Variants in PDCD6IP observed in about 807,000 individuals in gnomAD.
The protein encoded by PDCD6IP is programmed cell death 6 interacting protein.
Under a neutral mutation model 103.7 loss-of-function variants are expected in PDCD6IP, and 43 were observed. The observed-to-expected ratio is 0.41, with a 90% confidence interval of 0.32 to 0.53. The LOEUF is 0.53. Among genes scored for constraint, PDCD6IP ranks in the 20% least tolerant of loss-of-function variants. The pLI is 0.16. For synonymous variants in PDCD6IP, 354 were observed against 378.7 expected (o/e 0.93, Z 0.76); for missense variants, 871 against 1,036.7 (o/e 0.84, Z 2.20).
intron 15 of PDCD6IP, among the ~76,000 whole-genome samples, chr3:33,857,662 A>G (rs9839827): frequency 0.29 from 44,516 of 152,004 alleles, 6,760 homozygotes; most frequent in East Asian, 0.41. Context: ...AGTATTCAGT[A>G]TTTTCACATC....
intron 15 of PDCD6IP, among the ~76,000 whole-genome samples, chr3:33,858,637 C>T (rs1164893157): frequency 3.9e-5 from 6 of 152,048 alleles, no homozygotes; most frequent in African/African-American, 1.4e-4. Context: ...GGTGAAACCC[C>T]GTCTCTACTA....
At chr3:33,799,119 T>A (rs1559766875) in intron 1 of PDCD6IP, 182 bp downstream of exon 1, 1 of 628,524 alleles carries the variant, frequency 1.6e-6, no homozygotes, top group Non-Finnish European at 2.7e-6. Flanking sequence ...GCAGGCCCGC[T>A]GTGACTGCCC....
At chr3:33,810,870 A>G (rs1293314753) in intron 1 of PDCD6IP, among the ~76,000 whole-genome samples, 1 of 151,398 alleles carries the variant, frequency 6.6e-6, no homozygotes, top group African/African-American at 2.4e-5. Context: ...GAGTTATTCT[A>G]ACCTTCTGCC....
intron 3 of PDCD6IP, among the ~76,000 whole-genome samples, chr3:33,821,174 C>CA (rs1252699653): frequency 5.7e-5 from 8 of 139,840 alleles, no homozygotes; most frequent in African/African-American, 2.1e-4. Context: ...TGTTTAAAAA[C>CA]AATTTTTTTT....
intron 1 of PDCD6IP, among the ~76,000 whole-genome samples, chr3:33,805,864 C>G (rs1696585240): frequency 6.6e-6 from 1 of 152,074 alleles, no homozygotes; most frequent in Non-Finnish European, 1.5e-5. Context: ...CCTGCCTCAG[C>G]CTACCATGTA....
intron 15 of PDCD6IP, among the ~76,000 whole-genome samples, chr3:33,858,536 C>G (rs984640695): frequency 1.3e-5 from 2 of 152,056 alleles, no homozygotes; most frequent in Non-Finnish European, 2.9e-5. Context: ...TGCGGCCAGG[C>G]GCGGTGGCTC....
intron 11 of PDCD6IP, among the ~76,000 whole-genome samples, chr3:33,844,858 C>T (rs1366729919): frequency 1.3e-5 from 2 of 151,524 alleles, no homozygotes; most frequent in African/African-American, 4.8e-5. Flanking sequence ...AGTAGTGAAT[C>T]CTGGGTGGTA....
chr3:33,863,224 TAATC>T (rs937293846), intron 15 of PDCD6IP, among the ~76,000 whole-genome samples: 37 of 152,324 alleles, frequency 2.4e-4, no homozygotes, highest in African/African-American at 8.7e-4. Flanking sequence ...CAATGCATAA[TAATC>T]AAATCAAGGC....
intron 9 of PDCD6IP, 147 bp from the exon 10 acceptor site, chr3:33,841,750 T>G: frequency 1.8e-6 from 1 of 567,350 alleles, no homozygotes; most frequent in Non-Finnish European, 3.1e-6. Flanking sequence ...TGCTTTGCTT[T>G]TAATTGATAG....
rs993833801 is a variant in PDCD6IP, at chr3:33,865,240, T to C, written c.2245-3T>C. On this transcript the variant is annotated splice_polypyrimidine_tract_variant and splice_region_variant and intron_variant, in intron 16 of 17. Transcript: ENST00000307296. ...TATAGTCAATGCTGACTTTTTCTTA[T>C]AGCCTACTAAGCCCCAGCCCCCAGC... is the stretch of plus-strand genomic sequence containing the variant. 1.3e-6 allele frequency: 2 copies of C among 1,518,086 alleles called. No individual in the cohort carries two copies. The highest frequency in any genetic ancestry group is 2.9e-5 in the African/African-American group (2 of 68,734). 94.0% of individuals were successfully genotyped at this position (1,518,086 alleles called of 1,614,324 possible).
At chr3:33,813,443 T>C (rs572457894) in intron 2 of PDCD6IP, 116 bp from the exon 3 acceptor site, 12 of 663,840 alleles carry the variant, frequency 1.8e-5, no homozygotes, top group South Asian at 1.6e-4. Flanking sequence ...TTATAGGAGA[T>C]AATATTTTGA....
At chr3:33,807,832 C>T (rs1696631390) in intron 1 of PDCD6IP, among the ~76,000 whole-genome samples, 1 of 152,202 alleles carries the variant, frequency 6.6e-6, no homozygotes, top group Non-Finnish European at 1.5e-5. Flanking sequence ...CTTGATTTAG[C>T]CTTTTTCCCA....
intron 15 of PDCD6IP, among the ~76,000 whole-genome samples, chr3:33,858,458 T>G (rs7650931): frequency 0.11 from 16,589 of 152,230 alleles, 982 homozygotes; most frequent in African/African-American, 0.14. Flanking sequence ...AAATAGCCAC[T>G]GTACTCCAGT....
In PDCD6IP at chr3:33,798,894, C is replaced by T. The variant is rs948874400; in HGVS notation, c.166C>T (p.Arg56Cys). ...CAAGCTGCGCCGCGCCGCAGTCGGTCGTCCGCTGGACAAGCACGAGGGCGC... is the reference window on the plus strand; with the variant it reads ...CAAGCTGCGCCGCGCCGCAGTCGGTTGTCCGCTGGACAAGCACGAGGGCGC... ...LSKLRRAAVGRPLDKHEGALE... is the reference protein window; with the variant it reads ...LSKLRRAAVGCPLDKHEGALE... The change falls in exon 1 of 18, where the codon CGT (arginine) becomes TGT (cysteine). Residue 56 changes from arginine to cysteine, a missense_variant. Physicochemically the swap from Arg to Cys is radical, Grantham distance 180. Around this residue, in one of 5 missense-constraint regions of PDCD6IP, gnomAD observed 114 missense variants for 106.7 expected, o/e 1.07. Transcript: ENST00000307296. 1.0e-5 allele frequency: 16 copies of T among 1,547,196 alleles called. No homozygotes were observed. In the African/African-American group the frequency reaches 2.1e-4, roughly 20 times the overall value.
At chr3:33,848,832 G>T (rs920936396) in intron 12 of PDCD6IP, among the ~76,000 whole-genome samples, 3 of 152,096 alleles carry the variant, frequency 2.0e-5, no homozygotes, top group Non-Finnish European at 2.9e-5. Context: ...CTCTTTGTAT[G>T]TTCTGTGAGC....
intron 1 of PDCD6IP, among the ~76,000 whole-genome samples, chr3:33,801,826 T>C (rs1696482506): frequency 6.6e-6 from 1 of 152,206 alleles, no homozygotes; most frequent in African/African-American, 2.4e-5. Context: ...GTAATTTCTT[T>C]TGTGGTGATC....
rs1697096019 is a variant in PDCD6IP at position 33,825,339 on chromosome 3, A to C, written c.615A>C (p.Arg205Ser). ...AAGTATTTTTTTTAAAAGCCACAAG[A>C]GGTAACTCCAATTTATCTTTTTGTT... ...AQEVFFLKAT[R>S]DKMKDAIIAK... Residue 205 changes from arginine to serine, a missense_variant and splice_region_variant, in exon 5 of 18, where the codon AGA (arginine) becomes AGC (serine). By Grantham distance (110) the Arg-to-Ser change is moderately radical (BLOSUM62 -1). Coordinates refer to ENST00000307296, the MANE Select transcript of PDCD6IP (RefSeq NM_013374.6). 6.3e-7 allele frequency: 1 copy of C among 1,589,182 alleles called. No homozygotes were observed. The highest frequency in any genetic ancestry group is 1.2e-5 in the South Asian group (1 of 85,630).
intron 12 of PDCD6IP, among the ~76,000 whole-genome samples, chr3:33,846,031 A>C (rs977905005): frequency 6.6e-6 from 1 of 152,232 alleles, no homozygotes; most frequent in African/African-American, 2.4e-5. Flanking sequence ...ATAAATGGAT[A>C]GCACCATCAT....
chr3:33,843,875 TC>T (rs1188092835), intron 10 of PDCD6IP, among the ~76,000 whole-genome samples: 15 of 136,122 alleles, frequency 1.1e-4, no homozygotes, highest in Non-Finnish European at 2.2e-4. Flanking sequence ...TATTTATTCC[TC>T]CTTTTTTTTT....
Sources: gnomAD v4.1 joint callset for allele counts (sites outside exome capture counted in the v4.1 genomes callset) on GRCh38, gnomAD v4.1.1 for gene constraint, gnomAD v4.1.1 regional missense constraint, MANE v1.5 for transcripts, NCBI Gene and HGNC (gene_info 2026-07-23, HGNC 2026-07-21) for gene names.